The following PDE10A variants were observed in gnomAD, a reference collection of about 807,000 sequenced individuals.
The protein encoded by PDE10A is cAMP and cAMP-inhibited cGMP 3',5'-cyclic phosphodiesterase 10A.
PDE10A carries 39 observed loss-of-function variants against 97.7 expected under a neutral mutation model. The ratio of observed to expected loss-of-function variants is 0.40; its 90% confidence interval spans 0.31 to 0.52. The LOEUF is 0.52. PDE10A is among the 20% of genes least tolerant of loss of function. The pLI is 0.56. For missense variants in PDE10A, 731 were observed against 1,047.8 expected (o/e 0.70, Z 4.17); for synonymous variants, 371 against 376.8 (o/e 0.98, Z 0.18).
chr6:165,894,513 G>A lies in PDE10A; in HGVS notation c.-615+93016C>T, dbSNP rs186802665. The stretch of plus-strand genomic sequence containing the variant: ...TTATAGCCCTTCGTGTGCAAAAGAT[G>A]TGGGAGGGAGTTTTAATAGACCACA... On this transcript the variant is annotated intron_variant, in intron 1 of 19. Transcript: ENST00000366882. 11 of 456,060 alleles carry A rather than the reference G, an allele frequency of 2.4e-5. No individual in the cohort carries two copies. The highest frequency in any genetic ancestry group is 9.4e-5 in the Admixed American group (4 of 42,576). 28.3% of individuals were successfully genotyped at this position (456,060 alleles called of 1,614,324 possible).
At chr6:165,927,521 G>T (rs1010527949) in intron 1 of PDE10A, among the ~76,000 whole-genome samples, 31 of 151,608 alleles carry the variant, frequency 2.0e-4, no homozygotes, top group Non-Finnish European at 7.4e-5. Context: ...AAAGTTTGAA[G>T]AATATACGCA....
At chr6:165,880,506 G>T (rs1211400003) in intron 1 of PDE10A, among the ~76,000 whole-genome samples, 1 of 152,202 alleles carries the variant, frequency 6.6e-6, no homozygotes. Flanking sequence ...ATGCAGAGAA[G>T]TGTCTTCTCA....
At chr6:165,949,799 C>CA (rs1299804020) in intron 1 of PDE10A, 2 of 151,952 alleles carry the variant, frequency 1.3e-5, no homozygotes, top group Non-Finnish European at 2.9e-5. Context: ...AGAAATTCAC[C>CA]AAAAAATGGA....
intron 1 of PDE10A, among the ~76,000 whole-genome samples, chr6:165,801,233 CT>C (rs1388367707): frequency 8.5e-5 from 13 of 152,334 alleles, no homozygotes; most frequent in South Asian, 2.1e-4. Context: ...CACTAGTTCA[CT>C]TTGCCTTGGC....
rs541819531 is a variant in PDE10A, at chr6:165,653,784, G to A, written c.865+8163C>T. Among the ~76,000 whole-genome samples, 4 of 152,232 alleles carry A rather than the reference G, an allele frequency of 2.6e-5. No individual in the cohort carries two copies. In the South Asian group the frequency reaches 6.2e-4, roughly 24 times the overall value. ...ATGTCATGGTATCTCCCCACACCGT[G>A]CCCTCTGGCACCTCCCCACGCCTTC... On this transcript the variant is annotated intron_variant, in intron 1 of 21. Coordinates refer to ENST00000539869, the MANE Select transcript of PDE10A (RefSeq NM_001385079.1).
chr6:165,980,385 G>T (rs1784978367), intron 1 of PDE10A, among the ~76,000 whole-genome samples: 1 of 104,900 alleles, frequency 9.5e-6, no homozygotes, highest in African/African-American at 3.2e-5. Flanking sequence ...CTGTGTGGTT[G>T]CTTATGAAAG....
chr6:165,706,685 G>A (rs1226640616), intron 1 of PDE10A, among the ~76,000 whole-genome samples: 2 of 152,244 alleles, frequency 1.3e-5, no homozygotes, highest in Non-Finnish European at 2.9e-5. Flanking sequence ...GAAACTTGGA[G>A]AGTAATTTTC....
intron 1 of PDE10A, among the ~76,000 whole-genome samples, chr6:165,564,138 C>G (rs550483345): frequency 6.6e-6 from 1 of 152,280 alleles, no homozygotes; most frequent in South Asian, 2.1e-4. Context: ...AAATACATAT[C>G]CTTTAAAATA....
chr6:165,872,625 C>T (rs1781233555), intron 1 of PDE10A, among the ~76,000 whole-genome samples: 1 of 149,222 alleles, frequency 6.7e-6, no homozygotes, highest in African/African-American at 2.5e-5. Context: ...GAAGCAAATT[C>T]TGGCCAAAAA....
chr6:165,678,388 T>C (rs773964554), intron 1 of PDE10A, among the ~76,000 whole-genome samples: 17 of 131,552 alleles, frequency 1.3e-4, no homozygotes, highest in Non-Finnish European at 2.6e-4. Flanking sequence ...CTTCCCGTTA[T>C]GAAGCCACCA....
At chr6:165,902,487 T>C (rs1782140897) in intron 1 of PDE10A, among the ~76,000 whole-genome samples, 1 of 152,202 alleles carries the variant, frequency 6.6e-6, no homozygotes, top group Non-Finnish European at 1.5e-5. Context: ...AAATACTTCC[T>C]CTCTTTTCTC....
chr6:165,403,894 A>G (rs1583206427), intron 13 of PDE10A, among the ~76,000 whole-genome samples: 1 of 152,306 alleles, frequency 6.6e-6, no homozygotes, highest in Admixed American at 6.5e-5. Flanking sequence ...TGCTGCTGCA[A>G]GTTACGCGAT....
intron 14 of PDE10A, among the ~76,000 whole-genome samples, chr6:165,395,814 T>C (rs1367683629): frequency 6.6e-6 from 1 of 152,302 alleles, no homozygotes; most frequent in South Asian, 2.1e-4. Flanking sequence ...GAAGGTTTCC[T>C]ATGTAGATAG....
intron 18 of PDE10A, among the ~76,000 whole-genome samples, chr6:165,370,721 A>G (rs1401646671): frequency 1.4e-5 from 2 of 147,398 alleles, no homozygotes; most frequent in Non-Finnish European, 3.0e-5. Context: ...GCTCTGCACC[A>G]AGCGGACCTA....
At chr6:165,959,166 A>G (rs937374045) in intron 1 of PDE10A, among the ~76,000 whole-genome samples, 1 of 152,204 alleles carries the variant, frequency 6.6e-6, no homozygotes, top group Non-Finnish European at 1.5e-5. Context: ...TATTAGAGTG[A>G]AAAGTCTGCA....
chr6:165,731,928 T>C (rs1425024359), intron 1 of PDE10A, among the ~76,000 whole-genome samples: 2 of 152,210 alleles, frequency 1.3e-5, no homozygotes, highest in Non-Finnish European at 2.9e-5. Context: ...CAGTTCCCTT[T>C]TTGTGAAACT....
At chr6:165,611,119 C>T (rs1787473368) in intron 1 of PDE10A, among the ~76,000 whole-genome samples, 1 of 151,858 alleles carries the variant, frequency 6.6e-6, no homozygotes, top group African/African-American at 2.4e-5. Flanking sequence ...ATCCTTTTGA[C>T]TGCAAGAAAC....
chr6:165,485,419 G>A (rs1779848292), intron 2 of PDE10A, among the ~76,000 whole-genome samples: 1 of 148,704 alleles, frequency 6.7e-6, no homozygotes, highest in Non-Finnish European at 1.5e-5. Flanking sequence ...AGTGAGCCAA[G>A]GTCACATGAC....
chr6:165,680,732 C>T (rs1790952871), intron 1 of PDE10A, among the ~76,000 whole-genome samples: 1 of 152,136 alleles, frequency 6.6e-6, no homozygotes, highest in South Asian at 2.1e-4. Context: ...GGTGAAACCC[C>T]ATCTCTACTA....
Sources: gnomAD v4.1 joint callset for allele counts (sites outside exome capture counted in the v4.1 genomes callset) on GRCh38, gnomAD v4.1.1 for gene constraint, MANE v1.5 for transcripts, NCBI Gene and HGNC (gene_info 2026-07-23, HGNC 2026-07-21) for gene names.